GABRB2: variants seen among roughly 807,000 people sequenced by gnomAD.
GABRB2 encodes the protein gamma-aminobutyric acid type A receptor subunit beta2, also known as gamma-aminobutyric acid receptor subunit beta-2.
In GABRB2, 16 loss-of-function variants were observed where a neutral mutation model predicts 54.7. That is an observed-to-expected ratio of 0.29 (90% CI 0.20 to 0.44). The LOEUF is 0.44. GABRB2 is among the 20% of genes least tolerant of loss of function. GABRB2 has a pLI of 1.00. For missense variants in GABRB2, 355 were observed against 644.0 expected, an observed-to-expected ratio of 0.55 and a Z score of 4.86; for synonymous variants, 244 against 233.8, an observed-to-expected ratio of 1.04 and a Z score of -0.40.
At chr5:161,462,880 C>T (rs1466321034) in intron 3 of GABRB2, among the ~76,000 whole-genome samples, 1 of 152,136 alleles carries the variant, frequency 6.6e-6, no homozygotes, top group African/African-American at 2.4e-5. Flanking sequence ...TCTACCCTTT[C>T]CCCTAGGCTC....
chr5:161,459,944 A>T, intron 3 of GABRB2, 100 bp from the exon 4 acceptor site: 1 of 677,860 alleles, frequency 1.5e-6, no homozygotes, highest in Non-Finnish European at 2.4e-6. Context: ...ATTTATTTTT[A>T]ATTTATTTTT....
At chr5:161,497,630 G>A (rs906355844) in intron 3 of GABRB2, among the ~76,000 whole-genome samples, 1 of 151,862 alleles carries the variant, frequency 6.6e-6, no homozygotes, top group African/African-American at 2.4e-5. Flanking sequence ...ATGAACACCT[G>A]CAAAGCCTAG....
At chr5:161,337,803 A>T (rs1754036747) in intron 5 of GABRB2, among the ~76,000 whole-genome samples, 1 of 152,146 alleles carries the variant, frequency 6.6e-6, no homozygotes, top group South Asian at 2.1e-4. Flanking sequence ...AAAAAAACCC[A>T]AATAAAAAGC....
chr5:161,469,173 G>A (rs556515679), intron 3 of GABRB2, among the ~76,000 whole-genome samples: 2 of 151,594 alleles, frequency 1.3e-5, no homozygotes, highest in Middle Eastern at 3.4e-3. Context: ...TGTTTTTTTA[G>A]GTGTATCATT....
At chr5:161,342,402 G>A (rs1754200916) in intron 5 of GABRB2, among the ~76,000 whole-genome samples, 1 of 151,904 alleles carries the variant, frequency 6.6e-6, no homozygotes, top group South Asian at 2.1e-4. Context: ...CTTGATTTCT[G>A]TTCTGAGAAA....
chr5:161,467,119 T>C (rs971506536), intron 3 of GABRB2, among the ~76,000 whole-genome samples: 2 of 152,106 alleles, frequency 1.3e-5, no homozygotes, highest in African/African-American at 2.4e-5. Flanking sequence ...CTACACTTTC[T>C]AAGTTTTGAA....
chr5:161,330,975 T>C lies in GABRB2; in HGVS notation c.985A>G (p.Ile329Val). Residue 329 changes from isoleucine to valine, a missense_variant, in exon 8 of 10, where the codon ATC becomes GTC. Ile to Val is a conservative substitution (Grantham distance 29). This residue lies in a region of GABRB2 where 25 missense variants were observed against 137.4 expected (regional missense o/e 0.18). Transcript: ENST00000393959. ...ALLEYALVNYIFFGRGPQRQK... is the reference protein window; with the variant it reads ...ALLEYALVNYVFFGRGPQRQK... ...CGTTGGGGCCCCCTCCCAAAGAAGATGTAGTTGACTAGGGCATATTCCAGA... is the reference window on the plus strand; with the variant it reads ...CGTTGGGGCCCCCTCCCAAAGAAGACGTAGTTGACTAGGGCATATTCCAGA... The C allele has an allele frequency of 6.2e-7, 1 of 1,614,208 alleles. No individual in the cohort carries two copies. Among genetic ancestry groups the C allele is most frequent in the South Asian group, 1.1e-5 (1 of 91,092 alleles).
chr5:161,498,796 A>C (rs1043956651), intron 3 of GABRB2, among the ~76,000 whole-genome samples: 8 of 152,164 alleles, frequency 5.3e-5, no homozygotes, highest in Non-Finnish European at 7.3e-5. Flanking sequence ...GGCTCAGGGC[A>C]TAAAAGCCCT....
chr5:161,393,720 G>A (rs1262262916), intron 5 of GABRB2, among the ~76,000 whole-genome samples: 1 of 152,066 alleles, frequency 6.6e-6, no homozygotes, highest in Non-Finnish European at 1.5e-5. Flanking sequence ...ATAATTCTCA[G>A]TGTATATGGA....
intron 3 of GABRB2, among the ~76,000 whole-genome samples, chr5:161,540,937 C>A (rs1760791523): frequency 6.6e-6 from 1 of 152,052 alleles, no homozygotes; most frequent in Admixed American, 6.6e-5. Flanking sequence ...ACCTTTGCCA[C>A]CCAGGTTCGA....
intron 9 of GABRB2, among the ~76,000 whole-genome samples, chr5:161,310,325 A>G (rs1048716277): frequency 1.3e-5 from 2 of 152,216 alleles, no homozygotes; most frequent in Non-Finnish European, 2.9e-5. Context: ...GAAGTTAAAA[A>G]ATAGAGAAAT....
intron 3 of GABRB2, among the ~76,000 whole-genome samples, chr5:161,483,677 C>T (rs1758833109): frequency 1.3e-5 from 2 of 151,940 alleles, no homozygotes; most frequent in East Asian, 3.9e-4. Flanking sequence ...AGAACAAACA[C>T]ATTGTAACAG....
rs374803375 is a variant in GABRB2, at chr5:161,379,533, G to C, written c.541+31442C>G. 3.9e-5 allele frequency among the ~76,000 whole-genome samples: 6 copies of C among 152,240 alleles called. No homozygotes were observed. The East Asian group carries it at 7.7e-4, about 20-fold the overall frequency. ...GACACCTACAGATGATCTGTATTAA[G>C]ATATTTCAAATAATACATTCTCAAA... On this transcript the variant is annotated intron_variant, in intron 5 of 9. Coordinates refer to ENST00000393959, the MANE Select transcript of GABRB2 (RefSeq NM_001371727.1).
At chr5:161,371,367 T>C (rs931662739) in intron 5 of GABRB2, among the ~76,000 whole-genome samples, 1 of 152,318 alleles carries the variant, frequency 6.6e-6, no homozygotes, top group African/African-American at 2.4e-5. Context: ...CATCTGTCTA[T>C]TTTAGGCCAT....
At chr5:161,513,578 C>G (rs1160209096) in intron 3 of GABRB2, among the ~76,000 whole-genome samples, 3 of 151,908 alleles carry the variant, frequency 2.0e-5, no homozygotes, top group Non-Finnish European at 4.4e-5. Flanking sequence ...GAGCTAAACA[C>G]TGGATACTCA....
chr5:161,542,835 G>T (rs1449127346), intron 3 of GABRB2, among the ~76,000 whole-genome samples: 2 of 152,102 alleles, frequency 1.3e-5, no homozygotes, highest in Non-Finnish European at 2.9e-5. Context: ...CTAATCAAAA[G>T]GCCCTAACAC....
intron 3 of GABRB2, among the ~76,000 whole-genome samples, chr5:161,533,432 G>T (rs1163605411): frequency 6.6e-6 from 1 of 151,884 alleles, no homozygotes; most frequent in Non-Finnish European, 1.5e-5. Flanking sequence ...ATTGATTTTG[G>T]AAAAACTAAG....
intron 4 of GABRB2, among the ~76,000 whole-genome samples, chr5:161,437,686 C>T (rs1757351547): frequency 6.6e-6 from 1 of 152,196 alleles, no homozygotes; most frequent in African/African-American, 2.4e-5. Context: ...AGGTTGAGTC[C>T]CAGGCCAGGC....
rs1554094288 is a variant in GABRB2, at chr5:161,336,785, T to C, written c.542-16A>G. ...GTGTATCCATCTGTGAAAGGAAACA[T>C]ACACACACACACACACAAATACAGA... On this transcript the variant is annotated splice_polypyrimidine_tract_variant and intron_variant, in intron 5 of 9. Transcript: ENST00000393959. 115 of 1,360,762 alleles carry C rather than the reference T, an allele frequency of 8.5e-5. No homozygotes were observed. Among genetic ancestry groups the C allele is most frequent in the Non-Finnish European group, 1.1e-4 (113 of 1,002,674 alleles). 84.3% of individuals were successfully genotyped at this position (1,360,762 alleles called of 1,614,324 possible). A position where few individuals can be genotyped will look rare whatever the true frequency, so the allele number is the denominator to read the frequency against.
Sources: allele counts gnomAD v4.1 joint callset (sites outside exome capture counted in the v4.1 genomes callset), GRCh38; gene constraint gnomAD v4.1.1; regional missense constraint gnomAD v4.1.1; transcripts MANE v1.5; gene names NCBI Gene and HGNC (gene_info 2026-07-23, HGNC 2026-07-21).